The following CFAP61 variants were observed in gnomAD, a reference collection of about 807,000 sequenced individuals.
The protein encoded by CFAP61 is cilia and flagella associated protein 61, also known as cilia- and flagella-associated protein 61.
In CFAP61, 107 loss-of-function variants were observed where a neutral mutation model predicts 135.6. The observed-to-expected ratio is 0.79, with a 90% confidence interval of 0.67 to 0.93. The LOEUF (loss-of-function observed/expected upper bound fraction) is 0.93, where lower values mean the gene tolerates loss of function less well. Ranked by LOEUF, CFAP61 falls within the 40% of genes least tolerant of loss-of-function variation. The pLI, the probability that CFAP61 is intolerant of heterozygous loss-of-function variation, is 0.00. For missense variants in CFAP61, 1,507 were observed against 1,556.2 expected, an observed-to-expected ratio of 0.97 and a Z score of 0.53; for synonymous variants, 575 against 578.5, an observed-to-expected ratio of 0.99 and a Z score of 0.09.
At chr20:20,358,148 T>C (rs1169671660) in intron 26 of CFAP61, among the ~76,000 whole-genome samples, 1 of 129,812 alleles carries the variant, frequency 7.7e-6, no homozygotes, top group Non-Finnish European at 1.6e-5. Flanking sequence ...GAGGAGGTGG[T>C]CACACTGAGG....
In CFAP61 at chr20:20,298,205, G is replaced by C. The variant is rs768374835; in HGVS notation, c.3241G>C (p.Ala1081Pro). Residue 1081 changes from alanine to proline, a missense_variant, in exon 25 of 27, where the codon GCG (alanine) becomes CCG (proline). Physicochemically the swap from Ala to Pro is conservative, Grantham distance 27. Coordinates refer to ENST00000245957, the MANE Select transcript of CFAP61 (RefSeq NM_015585.4). Reference sequence around the variant, plus strand: ...GGGTTTAGAACTAGTAACCGGCAGTGCGAAAAATGGGACTTACTTCCGAAT... The same window carrying C: ...GGGTTTAGAACTAGTAACCGGCAGTCCGAAAAATGGGACTTACTTCCGAAT... ...NYGLELVTGS[A>P]KNGTYFRIHI... 1 of 1,613,916 alleles carries C rather than the reference G, an allele frequency of 6.2e-7. No individual in the cohort carries two copies. The highest frequency in any genetic ancestry group is 1.1e-5 in the South Asian group (1 of 91,070).
chr20:20,253,491 CT>C, intron 20 of CFAP61: 1 of 417,976 alleles, frequency 2.4e-6, no homozygotes, highest in South Asian at 1.9e-5. Context: ...ATCTTGGGTA[CT>C]TTGTTCACCT....
intron 22 of CFAP61, among the ~76,000 whole-genome samples, chr20:20,285,283 T>TC (rs1329582205): frequency 1.3e-5 from 2 of 151,834 alleles, no homozygotes; most frequent in African/African-American, 4.8e-5. Flanking sequence ...ATGGTTTGTT[T>TC]TTTTTGTTTT....
intron 26 of CFAP61, among the ~76,000 whole-genome samples, chr20:20,352,895 G>C (rs1056043478): frequency 2.0e-5 from 3 of 152,144 alleles, no homozygotes; most frequent in African/African-American, 7.2e-5. Context: ...AGAGTGAAGA[G>C]ACAGCCCACA....
At chr20:20,296,043 CT>C (rs2055438560) in intron 24 of CFAP61, among the ~76,000 whole-genome samples, 1 of 52,288 alleles carries the variant, frequency 1.9e-5, no homozygotes, top group African/African-American at 1.0e-4. Flanking sequence ...TTCTTCCTCC[CT>C]CCCTTCCTTC....
chr20:20,080,863 G>A (rs924815848), intron 6 of CFAP61, among the ~76,000 whole-genome samples: 4 of 151,832 alleles, frequency 2.6e-5, no homozygotes, highest in East Asian at 3.9e-4. Context: ...TTAACTGGGC[G>A]TGGTGGCATG....
chr20:20,251,472 G>A (rs770735357), intron 19 of CFAP61, 123 bp from the exon 20 acceptor site: 6 of 826,556 alleles, frequency 7.3e-6, no homozygotes, highest in Non-Finnish European at 1.2e-5. Flanking sequence ...TATCAGTCCT[G>A]GTAAACTCAC....
chr20:20,167,793 A>C (rs946449393), intron 12 of CFAP61, among the ~76,000 whole-genome samples: 8 of 152,234 alleles, frequency 5.3e-5, no homozygotes, highest in African/African-American at 1.9e-4. Flanking sequence ...TTTGAGTTGC[A>C]CAAATGTCCC....
chr20:20,208,128 G>A (rs141950010), intron 17 of CFAP61, among the ~76,000 whole-genome samples: 355 of 152,272 alleles, frequency 2.3e-3, no homozygotes, highest in Middle Eastern at 6.8e-3. Context: ...TTTGCAGTGG[G>A]GAAAACTGAG....
intron 8 of CFAP61, among the ~76,000 whole-genome samples, chr20:20,133,709 G>A (rs1282147142): frequency 6.6e-6 from 1 of 152,160 alleles, no homozygotes; most frequent in Non-Finnish European, 1.5e-5. Flanking sequence ...CTCCTGATTT[G>A]TGATACAATG....
At chr20:20,328,762 C>G (rs894586278) in intron 25 of CFAP61, among the ~76,000 whole-genome samples, 1 of 152,104 alleles carries the variant, frequency 6.6e-6, no homozygotes, top group Non-Finnish European at 1.5e-5. Flanking sequence ...ATATAGACGG[C>G]TGGGAAGTAC....
intron 25 of CFAP61, among the ~76,000 whole-genome samples, chr20:20,334,075 G>A (rs1291437541): frequency 6.6e-6 from 1 of 152,208 alleles, no homozygotes. Flanking sequence ...CACCAGTGCT[G>A]CCAGGCAAGG....
intron 8 of CFAP61, among the ~76,000 whole-genome samples, chr20:20,136,631 G>A (rs1035502843): frequency 4.6e-5 from 7 of 152,126 alleles, no homozygotes; most frequent in African/African-American, 1.4e-4. Context: ...GATAGGATTC[G>A]AATTCCTTCT....
rs985761380 is a variant in CFAP61 at position 20,065,142 on chromosome 20, T to C, written c.144-5712T>C. On this transcript the variant is annotated intron_variant, in intron 2 of 26. Transcript: ENST00000245957. ...GAAAATAATAACCAACCTCATGTAG[T>C]AGAAAACTTGTAAAAATTAATTCTG... Among the ~76,000 whole-genome samples, 11 of 152,320 alleles carry C rather than the reference T, an allele frequency of 7.2e-5. No individual in the cohort carries two copies. In the East Asian group the frequency reaches 1.9e-3, roughly 27 times the overall value.
chr20:20,090,550 C>G (rs138878765), intron 6 of CFAP61, among the ~76,000 whole-genome samples: 1 of 151,732 alleles, frequency 6.6e-6, no homozygotes, highest in Non-Finnish European at 1.5e-5. Flanking sequence ...ATTAGCTGGG[C>G]GTGGTGGTGC....
intron 18 of CFAP61, among the ~76,000 whole-genome samples, chr20:20,240,255 AC>A (rs2049923041): frequency 6.6e-6 from 1 of 152,192 alleles, no homozygotes; most frequent in Non-Finnish European, 1.5e-5. Flanking sequence ...GGATAACATC[AC>A]CCAGGGAAAT....
At chr20:20,100,343 T>C (rs2047934496) in intron 8 of CFAP61, among the ~76,000 whole-genome samples, 1 of 152,116 alleles carries the variant, frequency 6.6e-6, no homozygotes, top group Admixed American at 6.5e-5. Flanking sequence ...CAGCTAATTT[T>C]TGTATTTTTA....
intron 25 of CFAP61, among the ~76,000 whole-genome samples, chr20:20,335,357 C>G (rs900080730): frequency 2.0e-5 from 3 of 152,142 alleles, no homozygotes; most frequent in African/African-American, 7.2e-5. Context: ...GATAAAACAT[C>G]CATTCTCTCT....
At chr20:20,348,739 T>A in intron 26 of CFAP61, among the ~76,000 whole-genome samples, 1 of 130,468 alleles carries the variant, frequency 7.7e-6, no homozygotes, top group Non-Finnish European at 1.6e-5. Context: ...CACTATCATC[T>A]CAATTGGTGC....
Sources: allele counts gnomAD v4.1 joint callset (sites outside exome capture counted in the v4.1 genomes callset), GRCh38; gene constraint gnomAD v4.1.1; transcripts MANE v1.5; gene names NCBI Gene and HGNC (gene_info 2026-07-23, HGNC 2026-07-21).